The following MB21D2 variants were observed in gnomAD, a reference collection of about 807,000 sequenced individuals.
MB21D2 encodes Mab-21 domain containing 2, also known as nucleotidyltransferase MB21D2.
A neutral mutation model predicts 33.3 loss-of-function variants in MB21D2; 9 were observed. The ratio of observed to expected loss-of-function variants is 0.27; its 90% CI spans 0.16 to 0.47. MB21D2 has a LOEUF of 0.47. Ranked by LOEUF, MB21D2 falls within the 20% of genes least tolerant of loss-of-function variation. The probability of loss-of-function intolerance (pLI) is 0.99; values close to 1 mark genes in which losing one functional copy is unlikely to be tolerated. For missense variants in MB21D2, 540 were observed against 624.6 expected (o/e 0.86, Z 1.44); for synonymous variants, 241 against 236.3 (o/e 1.02, Z -0.18).
intron 1 of MB21D2, among the ~76,000 whole-genome samples, chr3:192,887,148 T>A (rs565734503): frequency 2.0e-5 from 3 of 152,236 alleles, no homozygotes; most frequent in Admixed American, 6.5e-5. Flanking sequence ...ACGATATCAA[T>A]GAACTTTACT....
At chr3:192,829,890 C>A (rs1056257328) in intron 1 of MB21D2, among the ~76,000 whole-genome samples, 8 of 152,140 alleles carry the variant, frequency 5.3e-5, no homozygotes, top group Admixed American at 1.3e-4. Context: ...CCATGCCCAG[C>A]TAATTTATTT....
intron 1 of MB21D2, among the ~76,000 whole-genome samples, chr3:192,846,438 G>A (rs988618190): frequency 1.3e-5 from 2 of 152,010 alleles, no homozygotes; most frequent in Non-Finnish European, 2.9e-5. Flanking sequence ...ATAATTACCT[G>A]CTCTACCATT....
intron 1 of MB21D2, among the ~76,000 whole-genome samples, chr3:192,809,425 A>T (rs910354987): frequency 2.6e-5 from 4 of 152,288 alleles, no homozygotes; most frequent in Admixed American, 2.6e-4. Flanking sequence ...TAAGGAAATT[A>T]AGAAAAATAG....
At position 192,868,887 on chromosome 3, in the gene MB21D2, T is replaced by G. The variant is rs554995268; in HGVS notation, c.211+48743A>C. On this transcript the variant is annotated intron_variant, in intron 1 of 1. Transcript: ENST00000392452. ...ATACAAAGCACAGTGGGAAATGACGTAGCCAATGAAATGCTAAGTTTGGGG... is the reference window on the plus strand; with the variant it reads ...ATACAAAGCACAGTGGGAAATGACGGAGCCAATGAAATGCTAAGTTTGGGG... 2.6e-5 allele frequency among the ~76,000 whole-genome samples: 4 copies of G among 152,308 alleles called. No homozygotes were observed. The South Asian group carries it at 8.3e-4, about 32-fold the overall frequency.
At chr3:192,916,706 G>A (rs767958455) in intron 1 of MB21D2, among the ~76,000 whole-genome samples, 4 of 152,138 alleles carry the variant, frequency 2.6e-5, no homozygotes, top group Admixed American at 6.5e-5. Context: ...GGGTGGGCTC[G>A]GTCTCCCGGG....
At chr3:192,800,993 G>A (rs1487647049) in intron 1 of MB21D2, among the ~76,000 whole-genome samples, 2 of 152,162 alleles carry the variant, frequency 1.3e-5, no homozygotes, top group East Asian at 1.9e-4. Flanking sequence ...TTAAATTGGC[G>A]ATGATATTAA....
intron 1 of MB21D2, among the ~76,000 whole-genome samples, chr3:192,885,572 T>C (rs1713714342): frequency 6.6e-6 from 1 of 152,102 alleles, no homozygotes; most frequent in Non-Finnish European, 1.5e-5. Flanking sequence ...AACAGTCCTC[T>C]AAGAAGCTCC....
At chr3:192,888,154 T>C (rs957882724) in intron 1 of MB21D2, among the ~76,000 whole-genome samples, 1 of 152,064 alleles carries the variant, frequency 6.6e-6, no homozygotes, top group East Asian at 1.9e-4. Flanking sequence ...ACCTCTAAAA[T>C]GGAGAGCATC....
intron 1 of MB21D2, among the ~76,000 whole-genome samples, chr3:192,889,953 T>C (rs1577197717): frequency 6.6e-6 from 1 of 151,156 alleles, no homozygotes; most frequent in South Asian, 2.1e-4. Flanking sequence ...AATCCAACGG[T>C]AGACACCAGA....
intron 1 of MB21D2, among the ~76,000 whole-genome samples, chr3:192,893,391 T>A (rs1244708133): frequency 6.6e-6 from 1 of 152,138 alleles, no homozygotes; most frequent in Non-Finnish European, 1.5e-5. Flanking sequence ...GGTTTTGATA[T>A]CAGTAAGAGG....
intron 1 of MB21D2, among the ~76,000 whole-genome samples, chr3:192,822,980 A>AT (rs1712093181): frequency 6.6e-6 from 1 of 152,184 alleles, no homozygotes; most frequent in African/African-American, 2.4e-5. Context: ...CATCACCCTA[A>AT]TGGCAACATT....
At chr3:192,817,827 C>T (rs1051066193) in intron 1 of MB21D2, among the ~76,000 whole-genome samples, 1 of 152,166 alleles carries the variant, frequency 6.6e-6, no homozygotes, top group Non-Finnish European at 1.5e-5. Context: ...ACATCACTCA[C>T]CTGCTCAAAA....
At chr3:192,861,524 G>A (rs892026448) in intron 1 of MB21D2, among the ~76,000 whole-genome samples, 2 of 152,202 alleles carry the variant, frequency 1.3e-5, no homozygotes, top group African/African-American at 2.4e-5. Context: ...GACCCATTTC[G>A]GGCCAGGTGC....
At chr3:192,853,065 T>G (rs1442325462) in intron 1 of MB21D2, among the ~76,000 whole-genome samples, 1 of 151,738 alleles carries the variant, frequency 6.6e-6, no homozygotes, top group Non-Finnish European at 1.5e-5. Flanking sequence ...TGAGACCATT[T>G]TCATTGCTTT....
chr3:192,873,170 T>C (rs555069025), intron 1 of MB21D2, among the ~76,000 whole-genome samples: 1 of 152,056 alleles, frequency 6.6e-6, no homozygotes, highest in Non-Finnish European at 1.5e-5. Flanking sequence ...TCCCTCCAAT[T>C]TGACAAGGGC....
intron 1 of MB21D2, among the ~76,000 whole-genome samples, chr3:192,877,380 TA>T (rs1267083257): frequency 6.6e-6 from 1 of 152,130 alleles, no homozygotes; most frequent in African/African-American, 2.4e-5. Context: ...TTCCAAATAA[TA>T]AAATCTGACA....
rs1402788868 is a variant in MB21D2, at chr3:192,917,753, C to T, written c.88G>A (p.Gly30Arg). The T allele has an allele frequency of 6.2e-7, 1 of 1,614,080 alleles. No homozygotes were observed. Among genetic ancestry groups the T allele is most frequent in the East Asian group, 2.2e-5 (1 of 44,882 alleles). The change falls in exon 1 of 2, where the codon GGA becomes AGA. Residue 30 changes from glycine (G) to arginine (R), a missense_variant. Coordinates refer to ENST00000392452, the MANE Select transcript of MB21D2 (RefSeq NM_178496.4). ...PAFPELDFRS[G>R]ARVEELNKLI... ...TTGTTCAATTCCTCCACCCGAGCTCCCGACCTGAAATCCAGCTCCGGGAAC... is the reference window on the plus strand; with the variant it reads ...TTGTTCAATTCCTCCACCCGAGCTCTCGACCTGAAATCCAGCTCCGGGAAC...
chr3:192,878,334 A>C (rs1713486311), intron 1 of MB21D2, among the ~76,000 whole-genome samples: 2 of 152,304 alleles, frequency 1.3e-5, no homozygotes, highest in African/African-American at 2.4e-5. Context: ...GGCAGGACTA[A>C]GTCATTTAAA....
chr3:192,879,069 A>T (rs1332183024), intron 1 of MB21D2, among the ~76,000 whole-genome samples: 1 of 152,220 alleles, frequency 6.6e-6, no homozygotes, highest in Non-Finnish European at 1.5e-5. Flanking sequence ...CTCAAGAAGC[A>T]GTGGTCAAAC....
Sources: allele counts gnomAD v4.1 joint callset (sites outside exome capture counted in the v4.1 genomes callset), GRCh38; gene constraint gnomAD v4.1.1; transcripts MANE v1.5; gene names NCBI Gene and HGNC (gene_info 2026-07-23, HGNC 2026-07-21).